Variants in SEMA3C observed in about 807,000 individuals in gnomAD.
SEMA3C encodes semaphorin-3C.
Under a neutral mutation model 89.4 loss-of-function variants are expected in SEMA3C, and 47 were observed. That is an observed-to-expected ratio of 0.53 (90% CI 0.42 to 0.67). The LOEUF is 0.67. Among genes scored for constraint, SEMA3C ranks in the 30% least tolerant of loss-of-function variants. The probability of loss-of-function intolerance (pLI) is 0.00; values close to 1 mark genes in which losing one functional copy is unlikely to be tolerated. For missense variants in SEMA3C, 839 were observed against 929.1 expected, an observed-to-expected ratio of 0.90 and a Z score of 1.26; for synonymous variants, 310 against 320.2, an observed-to-expected ratio of 0.97 and a Z score of 0.34.
chr7:80,879,417 C>G (rs2116090110), intron 2 of SEMA3C, among the ~76,000 whole-genome samples: 1 of 152,180 alleles, frequency 6.6e-6, no homozygotes. Context: ...TTTCAGTCAG[C>G]AGGGTAAGGG....
chr7:80,838,798 C>A (rs1029071720), intron 2 of SEMA3C, among the ~76,000 whole-genome samples: 1 of 152,030 alleles, frequency 6.6e-6, no homozygotes, highest in African/African-American at 2.4e-5. Context: ...CCTGAGAACC[C>A]CCTCACTGAG....
chr7:80,780,673 C>T (rs1413300880), intron 12 of SEMA3C, among the ~76,000 whole-genome samples: 1 of 152,102 alleles, frequency 6.6e-6, no homozygotes, highest in African/African-American at 2.4e-5. Context: ...GGCTTGAGCC[C>T]AGGAGTTCAA....
At chr7:80,894,115 T>C (rs916611623) in intron 2 of SEMA3C, among the ~76,000 whole-genome samples, 2 of 152,198 alleles carry the variant, frequency 1.3e-5, no homozygotes, top group African/African-American at 4.8e-5. Context: ...AACCAAATGC[T>C]TTCTTTTGTA....
At chr7:80,747,410 A>G (rs867613050) in intron 17 of SEMA3C, among the ~76,000 whole-genome samples, 32 of 152,262 alleles carry the variant, frequency 2.1e-4, no homozygotes, top group Middle Eastern at 6.8e-3. Context: ...TTTCTACTGA[A>G]TAAAAGAAAA....
intron 2 of SEMA3C, among the ~76,000 whole-genome samples, chr7:80,915,513 G>T (rs918030590): frequency 6.6e-6 from 1 of 152,128 alleles, no homozygotes; most frequent in Non-Finnish European, 1.5e-5. Context: ...GGAGGCGGAG[G>T]CGGGCAGATC....
At position 80,744,819 on chromosome 7, in the gene SEMA3C, GTTTCTTTGCTCAAAATTTGATCAT is replaced by G. The variant is rs1270883354; in HGVS notation, c.*51_*74del. ...AGTAATTCCCCTTGGTAAAGCACAA[GTTTCTTTGCTCAAAATTTGATCAT>G]TGAAGACAGAGCATTTGTTAATGGA... On this transcript the variant is annotated 3_prime_UTR_variant, in exon 18 of 18. Transcript: ENST00000265361. The G allele has an allele frequency of 3.9e-6, 6 of 1,536,688 alleles. No individual in the cohort carries two copies. In the African/African-American group the frequency reaches 8.3e-5, roughly 21 times the overall value.
At position 80,913,200 on chromosome 7, in the gene SEMA3C, A is replaced by G. The variant is rs904839334; in HGVS notation, c.103+3479T>C. Among the ~76,000 whole-genome samples, 3 of 152,172 alleles carry G rather than the reference A, an allele frequency of 2.0e-5. No homozygotes were observed. The East Asian group carries it at 5.8e-4, about 29-fold the overall frequency. On this transcript the variant is annotated intron_variant, in intron 2 of 17. Coordinates refer to ENST00000265361, the MANE Select transcript of SEMA3C (RefSeq NM_006379.5). ...CGGATCACCTGAAGTCAGGAGTTCG[A>G]GACCAGCCGGGCCAACGTGGTGAAA...
At chr7:80,855,614 TG>T (rs1259249361) in intron 2 of SEMA3C, among the ~76,000 whole-genome samples, 3 of 152,034 alleles carry the variant, frequency 2.0e-5, no homozygotes, top group African/African-American at 7.2e-5. Flanking sequence ...AGGGCAGAAA[TG>T]TTTCAATAAT....
intron 15 of SEMA3C, among the ~76,000 whole-genome samples, chr7:80,753,013 A>G (rs1787972029): frequency 1.3e-5 from 2 of 152,224 alleles, no homozygotes; most frequent in Admixed American, 6.5e-5. Context: ...TTAATCACAA[A>G]GTCATTGATA....
At chr7:80,780,731 A>T (rs147823969) in intron 12 of SEMA3C, among the ~76,000 whole-genome samples, 14 of 152,212 alleles carry the variant, frequency 9.2e-5, no homozygotes, top group African/African-American at 3.1e-4. Context: ...TAAAAATAGA[A>T]AAATTAGCCA....
chr7:80,806,723 A>AAG (rs1452617316), intron 6 of SEMA3C, among the ~76,000 whole-genome samples: 12 of 152,274 alleles, frequency 7.9e-5, no homozygotes, highest in African/African-American at 2.9e-4. Flanking sequence ...CTATTATAAA[A>AAG]AGCATGAAAT....
intron 15 of SEMA3C, 76 bp from the exon 16 acceptor site, chr7:80,751,412 T>C: frequency 7.4e-7 from 1 of 1,347,238 alleles, no homozygotes; most frequent in South Asian, 1.2e-5. Context: ...CACTGTAATT[T>C]TAAACTTTGC....
intron 1 of SEMA3C, 95 bp downstream of exon 1, chr7:80,918,733 G>A (rs1792337965): frequency 1.3e-6 from 1 of 755,684 alleles, no homozygotes; most frequent in Non-Finnish European, 1.6e-6. Flanking sequence ...AAATGTCCAG[G>A]CTTGAGCATA....
At chr7:80,825,018 T>C (rs1340278420) in intron 4 of SEMA3C, among the ~76,000 whole-genome samples, 3 of 152,288 alleles carry the variant, frequency 2.0e-5, no homozygotes, top group East Asian at 1.9e-4. Flanking sequence ...TTTGTGCAAA[T>C]TGAAAGAATT....
intron 2 of SEMA3C, among the ~76,000 whole-genome samples, chr7:80,850,326 T>C (rs1343699511): frequency 6.6e-6 from 1 of 152,152 alleles, no homozygotes; most frequent in East Asian, 1.9e-4. Flanking sequence ...GTGTAAAATG[T>C]TAACAGCAGT....
intron 2 of SEMA3C, among the ~76,000 whole-genome samples, chr7:80,915,486 C>T (rs753506887): frequency 3.3e-5 from 5 of 152,046 alleles, no homozygotes; most frequent in Non-Finnish European, 5.9e-5. Context: ...TGAGGCCAGG[C>T]GTGGTGGCTC....
chr7:80,823,309 T>C (rs111483156), intron 4 of SEMA3C, among the ~76,000 whole-genome samples: 6 of 152,146 alleles, frequency 3.9e-5, no homozygotes, highest in Non-Finnish European at 8.8e-5. Context: ...ATTTCACAGA[T>C]AAGAAAACCA....
At chr7:80,789,819 T>G (rs2115586277) in intron 11 of SEMA3C, among the ~76,000 whole-genome samples, 1 of 152,316 alleles carries the variant, frequency 6.6e-6, no homozygotes, top group East Asian at 1.9e-4. Flanking sequence ...CACTCACCAC[T>G]TTTCTATTTA....
At chr7:80,754,859 T>C (rs924413069) in intron 15 of SEMA3C, among the ~76,000 whole-genome samples, 3 of 151,692 alleles carry the variant, frequency 2.0e-5, no homozygotes. Context: ...CTCACTGCAA[T>C]CTCCGCCACA....
Sources: allele counts gnomAD v4.1 joint callset (sites outside exome capture counted in the v4.1 genomes callset), GRCh38; gene constraint gnomAD v4.1.1; transcripts MANE v1.5; gene names NCBI Gene and HGNC (gene_info 2026-07-23, HGNC 2026-07-21).